Variants in DSCAML1 observed in about 807,000 individuals in gnomAD.
The protein encoded by DSCAML1 is cell adhesion molecule DSCAML1.
A neutral mutation model predicts 200.5 loss-of-function variants in DSCAML1; 38 were observed. That is an observed-to-expected ratio of 0.19 (90% CI 0.15 to 0.25). The LOEUF is 0.25. Among genes scored for constraint, DSCAML1 ranks in the 10% least tolerant of loss-of-function variants. DSCAML1 has a pLI of 1.00. For missense variants in DSCAML1, 2,223 were observed against 2,858.8 expected (o/e 0.78, Z 5.07); for synonymous variants, 1,215 against 1,165.0 (o/e 1.04, Z -0.87).
intron 3 of DSCAML1, among the ~76,000 whole-genome samples, chr11:117,601,010 A>G (rs1300152206): frequency 6.6e-6 from 1 of 152,198 alleles, no homozygotes; most frequent in Non-Finnish European, 1.5e-5. Flanking sequence ...CCACCTCCTC[A>G]GCTGGATTTA....
rs1565274271 is a variant in DSCAML1, at chr11:117,769,520, T to TTTATATATATA, written c.511+7270_511+7271insTATATATATAA. ...TATATAATATATATTTTATATATAT[T>TTTATATATATA]ATATATATTTTATATATATTATATA... On this transcript the variant is annotated intron_variant, in intron 3 of 32. Transcript: ENST00000651296. 1.9e-4 allele frequency among the ~76,000 whole-genome samples: 11 copies of TTTATATATATA among 58,566 alleles called. 1 individual carries two copies. In the East Asian group the frequency reaches 2.6e-3, roughly 14 times the overall value. The allele number at this position is 58,566 out of a possible 152,430, so 38.4% of individuals were successfully genotyped here.
intron 3 of DSCAML1, among the ~76,000 whole-genome samples, chr11:117,581,375 G>C (rs1403749810): frequency 6.6e-6 from 1 of 152,062 alleles, no homozygotes; most frequent in African/African-American, 2.4e-5. Flanking sequence ...AATTCTGAAA[G>C]GTCTGACATA....
At chr11:117,677,057 C>T (rs2053228433) in intron 3 of DSCAML1, among the ~76,000 whole-genome samples, 1 of 152,218 alleles carries the variant, frequency 6.6e-6, no homozygotes. Context: ...GGTTTCTTCA[C>T]ATCTCCCACA....
At chr11:117,771,531 G>A (rs929703622) in intron 3 of DSCAML1, among the ~76,000 whole-genome samples, 2 of 152,162 alleles carry the variant, frequency 1.3e-5, no homozygotes, top group Non-Finnish European at 2.9e-5. Context: ...GCAGATTTCT[G>A]TTCCCAGGCA....
At chr11:117,726,859 T>A (rs2054141384) in intron 3 of DSCAML1, among the ~76,000 whole-genome samples, 1 of 151,980 alleles carries the variant, frequency 6.6e-6, no homozygotes, top group Non-Finnish European at 1.5e-5. Context: ...CAGGGGAGCA[T>A]AAGCAGCTCT....
At position 117,516,228 on chromosome 11, in the gene DSCAML1, G is replaced by C. The variant is rs530944570; in HGVS notation, c.1783+239C>G. 6.6e-6 allele frequency among the ~76,000 whole-genome samples: 1 copy of C among 152,324 alleles called. No homozygotes were observed. The highest frequency in any genetic ancestry group is 2.4e-5 in the African/African-American group (1 of 41,572). ...ACTCACCCTCTCATGCACCTGGGGTGTGTGCTGTCTTATTCTGCAGCCCGA... is the reference window on the plus strand; with the variant it reads ...ACTCACCCTCTCATGCACCTGGGGTCTGTGCTGTCTTATTCTGCAGCCCGA... On this transcript the variant is annotated intron_variant, in intron 8 of 32. Transcript: ENST00000651296. The surrounding 1 kb of genome is among the most constrained non-coding windows in gnomAD (Gnocchi z 5.7).
rs751220184 is a variant in DSCAML1 at position 117,518,674 on chromosome 11, G to A, written c.1302C>T (p.Ala434=). ...GGGCCCAGGTGACCGTGGGGGGCGG[G>A]GCGCCCTTGGCCGCACACATCAGTG... The part of the protein sequence containing the change: ...QFSLMCAAKG[A]PPPTVTWALD... The change falls in exon 7 of 33, where the codon GCC becomes GCT. Residue 434 remains alanine, a synonymous_variant. Transcript: ENST00000651296. The surrounding 1 kb of genome is among the most constrained non-coding windows in gnomAD (Gnocchi z 6.3). 29 of 1,613,168 alleles carry A rather than the reference G, an allele frequency of 1.8e-5. No homozygotes were observed. Among genetic ancestry groups the A allele is most frequent in the Non-Finnish European group, 2.4e-5 (28 of 1,179,984 alleles).
intron 3 of DSCAML1, among the ~76,000 whole-genome samples, chr11:117,716,272 C>T (rs549459041): frequency 1.3e-5 from 2 of 152,326 alleles, no homozygotes; most frequent in Admixed American, 6.5e-5. Flanking sequence ...TGGTCCCAGC[C>T]GTGTTGTTAA....
intron 3 of DSCAML1, among the ~76,000 whole-genome samples, chr11:117,748,433 T>A (rs990162271): frequency 1.3e-5 from 2 of 152,178 alleles, no homozygotes; most frequent in Non-Finnish European, 2.9e-5. Flanking sequence ...ACTTTAGACA[T>A]TGGGAGAAGG....
chr11:117,561,064 G>GCCT (rs2050653949), intron 3 of DSCAML1, among the ~76,000 whole-genome samples: 2 of 152,182 alleles, frequency 1.3e-5, no homozygotes, highest in African/African-American at 4.8e-5. Context: ...AGGCTGCAGG[G>GCCT]GCAGACCCCT....
chr11:117,743,446 G>A (rs1195943933), intron 3 of DSCAML1, among the ~76,000 whole-genome samples: 2 of 152,246 alleles, frequency 1.3e-5, no homozygotes, highest in East Asian at 3.9e-4. Flanking sequence ...TCACTGTCCT[G>A]CCCATGCCTG....
intron 3 of DSCAML1, among the ~76,000 whole-genome samples, chr11:117,593,711 GTTTTT>G (rs374196105): frequency 2.3e-5 from 3 of 132,324 alleles, no homozygotes; most frequent in African/African-American, 2.8e-5. Flanking sequence ...TATATTTCTT[GTTTTT>G]TTTTTTTTTT....
chr11:117,694,419 A>G (rs2053552462), intron 3 of DSCAML1, among the ~76,000 whole-genome samples: 1 of 152,054 alleles, frequency 6.6e-6, no homozygotes, highest in Non-Finnish European at 1.5e-5. Context: ...AGAAAAAAAA[A>G]AAAAGATATG....
At chr11:117,526,945 C>G (rs2049988185) in intron 4 of DSCAML1, among the ~76,000 whole-genome samples, 2 of 152,096 alleles carry the variant, frequency 1.3e-5, no homozygotes, top group Non-Finnish European at 2.9e-5. Flanking sequence ...GGAGACCAGC[C>G]CGGGCAACAC....
At chr11:117,433,399 G>C (rs751075167) in intron 28 of DSCAML1, 42 bp downstream of exon 28, 29 of 1,611,530 alleles carry the variant, frequency 1.8e-5, no homozygotes, top group Non-Finnish European at 2.4e-5. Context: ...TCAGGACAGA[G>C]GGGAGAAGGG....
intron 3 of DSCAML1, among the ~76,000 whole-genome samples, chr11:117,646,246 T>C (rs994284394): frequency 5.9e-5 from 9 of 151,774 alleles, no homozygotes; most frequent in Admixed American, 1.3e-4. Flanking sequence ...CCTGGCCAGA[T>C]GGGAAGGGAG....
At chr11:117,704,756 G>A (rs752136649) in intron 3 of DSCAML1, among the ~76,000 whole-genome samples, 9 of 152,208 alleles carry the variant, frequency 5.9e-5, no homozygotes, top group Non-Finnish European at 1.0e-4. Context: ...ATTAATAACT[G>A]TTTTAATTGT....
intron 3 of DSCAML1, among the ~76,000 whole-genome samples, chr11:117,623,639 C>T (rs1483564238): frequency 6.6e-6 from 1 of 152,174 alleles, no homozygotes; most frequent in Non-Finnish European, 1.5e-5. Flanking sequence ...AGTTTCCTTG[C>T]CTCTAAAGCT....
At chr11:117,617,347 T>C (rs2051829588) in intron 3 of DSCAML1, among the ~76,000 whole-genome samples, 2 of 152,202 alleles carry the variant, frequency 1.3e-5, no homozygotes, top group South Asian at 4.1e-4. Flanking sequence ...TCTGGCCAAC[T>C]GAGAGAAAAC....
Sources: gnomAD v4.1 joint callset for allele counts (sites outside exome capture counted in the v4.1 genomes callset) on GRCh38, gnomAD v4.1.1 for gene constraint, Gnocchi (gnomAD v3.1) non-coding constraint, MANE v1.5 for transcripts, NCBI Gene and HGNC (gene_info 2026-07-23, HGNC 2026-07-21) for gene names.